Variants in ST3GAL6 observed in about 807,000 individuals in gnomAD.
The protein encoded by ST3GAL6 is ST3 beta-galactoside alpha-2,3-sialyltransferase 6, also known as type 2 lactosamine alpha-2,3-sialyltransferase.
A neutral mutation model predicts 40.5 loss-of-function variants in ST3GAL6; 31 were observed. The observed-to-expected ratio is 0.77, with a 90% CI of 0.58 to 1.03. ST3GAL6 has a LOEUF of 1.03. Among genes scored for constraint, ST3GAL6 ranks in the 50% least tolerant of loss-of-function variants. The pLI, the probability that ST3GAL6 is intolerant of heterozygous loss-of-function variation, is 0.00. For missense variants in ST3GAL6, 357 were observed against 393.2 expected, an observed-to-expected ratio of 0.91 and a Z score of 0.78; for synonymous variants, 129 against 136.9, an observed-to-expected ratio of 0.94 and a Z score of 0.40.
At chr3:98,758,635 A>G (rs551935870), upstream of ST3GAL6, among the ~76,000 whole-genome samples, 100 of 152,338 alleles carry the variant, frequency 6.6e-4, no homozygotes, top group Non-Finnish European at 1.1e-3. Flanking sequence ...ATACTTTAAG[A>G]TGTTAAAATG....
chr3:98,790,749 A>G (rs569146909), intron 8 of ST3GAL6, among the ~76,000 whole-genome samples: 1 of 152,264 alleles, frequency 6.6e-6, no homozygotes, highest in South Asian at 2.1e-4. Context: ...TGATGGCTGC[A>G]GAAGAGCTGG....
intron 1 of ST3GAL6, among the ~76,000 whole-genome samples, chr3:98,768,172 G>C (rs1441929495): frequency 6.6e-6 from 1 of 152,088 alleles, no homozygotes; most frequent in Non-Finnish European, 1.5e-5. Context: ...GTAGGGGGAG[G>C]CCCCTACCTT....
chr3:98,785,322 A>G (rs1940592806), intron 6 of ST3GAL6, among the ~76,000 whole-genome samples: 1 of 152,212 alleles, frequency 6.6e-6, no homozygotes, highest in Non-Finnish European at 1.5e-5. Flanking sequence ...GAGGGAAGAA[A>G]ATGAGTAATT....
chr3:98,749,246 G>T (rs775889848), intron 1 of ST3GAL6, among the ~76,000 whole-genome samples: 56 of 151,984 alleles, frequency 3.7e-4, no homozygotes, highest in Admixed American at 1.6e-3. Context: ...ATAAATCTAG[G>T]ATTGTTTCAT....
intron 1 of ST3GAL6, 53 bp from the exon 2 acceptor site, chr3:98,768,377 C>A (rs1316725108): frequency 1.6e-6 from 2 of 1,283,326 alleles, no homozygotes; most frequent in Non-Finnish European, 1.1e-6. Flanking sequence ...TTGTGAAAAT[C>A]CATTTGTATA....
chr3:98,745,493 C>G (rs1269438740), intron 1 of ST3GAL6, among the ~76,000 whole-genome samples: 1 of 152,140 alleles, frequency 6.6e-6, no homozygotes, highest in African/African-American at 2.4e-5. Flanking sequence ...CTTTTAAATC[C>G]TCTTAGCACA....
At chr3:98,791,359 T>A (rs1941192164) in intron 8 of ST3GAL6, among the ~76,000 whole-genome samples, 1 of 152,216 alleles carries the variant, frequency 6.6e-6, no homozygotes, top group African/African-American at 2.4e-5. Flanking sequence ...TTAGTTTAAA[T>A]GGTGAGTATA....
intron 5 of ST3GAL6, chr3:98,782,660 A>C: frequency 2.2e-6 from 1 of 449,614 alleles, no homozygotes; most frequent in South Asian, 2.1e-5. Flanking sequence ...CAACTTCAAC[A>C]ATACTTTGAG....
At chr3:98,782,861 A>T (rs1296860341) in intron 5 of ST3GAL6, 2 of 475,260 alleles carry the variant, frequency 4.2e-6, no homozygotes, top group Non-Finnish European at 8.4e-6. Flanking sequence ...TTTGCAGGAA[A>T]TCCTGGAGTC....
intron 9 of ST3GAL6, among the ~76,000 whole-genome samples, chr3:98,793,418 T>G (rs1262806278): frequency 6.6e-6 from 1 of 152,330 alleles, no homozygotes; most frequent in Admixed American, 6.5e-5. Context: ...CATGATTCGG[T>G]CTACCAGGGT....
At chr3:98,783,383 G>A (rs1212952293) in intron 5 of ST3GAL6, 1 of 180,490 alleles carries the variant, frequency 5.5e-6, no homozygotes, top group East Asian at 1.9e-4. Flanking sequence ...CACTGACTGT[G>A]TGGTGCCCGC....
intron 5 of ST3GAL6, among the ~76,000 whole-genome samples, chr3:98,779,723 G>T (rs79935131): frequency 0.053 from 8,054 of 152,286 alleles, 274 homozygotes; most frequent in Non-Finnish European, 0.07. Flanking sequence ...TCCATTAACA[G>T]GTTCCAAAAC....
At chr3:98,760,210 G>A (rs1375477132), upstream of ST3GAL6, among the ~76,000 whole-genome samples, 1 of 152,110 alleles carries the variant, frequency 6.6e-6, no homozygotes, top group Admixed American at 6.6e-5. Context: ...TTCTCGGCTG[G>A]ATACAATTCC....
rs1941402320 is a variant in ST3GAL6, at chr3:98,793,781, G to A, written c.*20G>A. On this transcript the variant is annotated 3_prime_UTR_variant, in exon 10 of 10. Transcript: ENST00000483910. ...GATTGACTCTACAGACTCAGAAGAT[G>A]ATGCTAACAGTGTTAGTTTTATTTT... The A allele has an allele frequency of 6.8e-7, 1 of 1,470,858 alleles. No individual in the cohort carries two copies. The highest frequency in any genetic ancestry group is 1.3e-5 in the South Asian group (1 of 78,232). The allele number at this position is 1,470,858 out of a possible 1,614,324, so 91.1% of individuals were successfully genotyped here.
chr3:98,774,706 C>T (rs1033110094), intron 5 of ST3GAL6, among the ~76,000 whole-genome samples: 2 of 152,154 alleles, frequency 1.3e-5, no homozygotes, highest in Non-Finnish European at 2.9e-5. Context: ...TACCCTCTTG[C>T]CCAAGAGAAT....
At chr3:98,756,192 G>C (rs1937404650) in intron 1 of ST3GAL6, among the ~76,000 whole-genome samples, 1 of 152,296 alleles carries the variant, frequency 6.6e-6, no homozygotes, top group Admixed American at 6.5e-5. Flanking sequence ...TGTACTGTTG[G>C]ATTTTTTGTT....
At chr3:98,749,863 T>C (rs2107329866) in intron 1 of ST3GAL6, among the ~76,000 whole-genome samples, 1 of 152,324 alleles carries the variant, frequency 6.6e-6, no homozygotes, top group East Asian at 1.9e-4. Context: ...CCCAAATCTA[T>C]TGGATCAGTT....
intron 1 of ST3GAL6, among the ~76,000 whole-genome samples, chr3:98,749,950 G>C (rs72932617): frequency 8.4e-4 from 128 of 152,300 alleles, no homozygotes; most frequent in African/African-American, 3.0e-3. Flanking sequence ...AGTTTGTATA[G>C]GTGGTTGGGA....
chr3:98,746,984 G>T (rs1936609055), intron 1 of ST3GAL6, among the ~76,000 whole-genome samples: 1 of 152,102 alleles, frequency 6.6e-6, no homozygotes. Context: ...TAAAGACCAG[G>T]CTCGTTCATG....
Sources: gnomAD v4.1 joint callset for allele counts (sites outside exome capture counted in the v4.1 genomes callset) on GRCh38, gnomAD v4.1.1 for gene constraint, MANE v1.5 for transcripts, NCBI Gene and HGNC (gene_info 2026-07-23, HGNC 2026-07-21) for gene names.